The following KCND3 variants were observed in gnomAD, a reference collection of about 807,000 sequenced individuals.
KCND3 encodes the protein potassium voltage-gated channel subfamily D member 3, also known as A-type voltage-gated potassium channel KCND3.
In KCND3, 9 loss-of-function variants were observed where a neutral mutation model predicts 51.1. The observed-to-expected ratio is 0.18, with a 90% CI of 0.11 to 0.31. The LOEUF is 0.31. Ranked by LOEUF, KCND3 falls within the 10% of genes least tolerant of loss-of-function variation. KCND3 has a pLI of 1.00. For missense variants in KCND3, 526 were observed against 903.8 expected, an observed-to-expected ratio of 0.58 and a Z score of 5.36; for synonymous variants, 349 against 368.0, an observed-to-expected ratio of 0.95 and a Z score of 0.59.
At chr1:111,797,906 G>A (rs1325576399) in intron 2 of KCND3, among the ~76,000 whole-genome samples, 1 of 152,110 alleles carries the variant, frequency 6.6e-6, no homozygotes, top group Non-Finnish European at 1.5e-5. Flanking sequence ...AAAGCAGTGT[G>A]GTGGATGTAT....
At chr1:111,818,134 C>G (rs1273766765) in intron 2 of KCND3, among the ~76,000 whole-genome samples, 1 of 152,100 alleles carries the variant, frequency 6.6e-6, no homozygotes, top group East Asian at 1.9e-4. Flanking sequence ...ATATGAACCT[C>G]CCTCCTGGGC....
chr1:111,870,088 A>G (rs1209655815), intron 2 of KCND3, among the ~76,000 whole-genome samples: 1 of 152,254 alleles, frequency 6.6e-6, no homozygotes, highest in African/African-American at 2.4e-5. Context: ...ACTTGCTTGT[A>G]TCATTTAAGC....
intron 2 of KCND3, among the ~76,000 whole-genome samples, chr1:111,902,160 G>A (rs1670418268): frequency 6.6e-6 from 1 of 152,208 alleles, no homozygotes; most frequent in Non-Finnish European, 1.5e-5. Context: ...GATAGGAACG[G>A]GGCTCAAATG....
chr1:111,800,709 CT>C (rs1665267611), intron 2 of KCND3, among the ~76,000 whole-genome samples: 1 of 152,230 alleles, frequency 6.6e-6, no homozygotes, highest in African/African-American at 2.4e-5. Flanking sequence ...AGGGCTGAAG[CT>C]CAAGAGGCTG....
At position 111,906,456 on chromosome 1, in the gene KCND3, G is replaced by A. The variant is rs141489122; in HGVS notation, c.1106+75165C>T. Among the ~76,000 whole-genome samples the A allele has an allele frequency of 4.1e-3, 630 of 152,282 alleles. 7 individuals carry two copies. Among genetic ancestry groups the A allele is most frequent in the African/African-American group, 0.015 (607 of 41,540 alleles). ...ATCCTTTCTGACCTCCTGCCATTTC[G>A]TGTCAGCATCAGTTATTTGGCAGTT... On this transcript the variant is annotated intron_variant, in intron 2 of 7. Coordinates refer to ENST00000302127, the MANE Select transcript of KCND3 (RefSeq NM_001378969.1).
chr1:111,880,249 A>G (rs1669241912), intron 2 of KCND3, among the ~76,000 whole-genome samples: 1 of 152,210 alleles, frequency 6.6e-6, no homozygotes, highest in Non-Finnish European at 1.5e-5. Flanking sequence ...CATTGCCAGG[A>G]ACAGCAGTGG....
chr1:111,785,368 A>G (rs1396215085), intron 3 of KCND3, among the ~76,000 whole-genome samples: 2 of 152,160 alleles, frequency 1.3e-5, no homozygotes, highest in Non-Finnish European at 2.9e-5. Flanking sequence ...AAGAGGTAAG[A>G]TTTCCATTTC....
intron 2 of KCND3, among the ~76,000 whole-genome samples, chr1:111,941,370 G>C (rs1196457128): frequency 6.6e-6 from 1 of 152,116 alleles, no homozygotes; most frequent in Non-Finnish European, 1.5e-5. Context: ...GCAAGCAGCA[G>C]GGCTGAACAG....
intron 2 of KCND3, among the ~76,000 whole-genome samples, chr1:111,876,928 G>T (rs751458436): frequency 1.2e-4 from 19 of 152,146 alleles, no homozygotes; most frequent in Non-Finnish European, 2.6e-4. Flanking sequence ...CTTCGGCATC[G>T]TTCTCTCTCC....
chr1:111,852,345 G>T (rs1667856127), intron 2 of KCND3, among the ~76,000 whole-genome samples: 1 of 152,190 alleles, frequency 6.6e-6, no homozygotes, highest in Admixed American at 6.5e-5. Flanking sequence ...CCTCTGTGGG[G>T]CCTGCTCAGC....
chr1:111,963,248 G>C (rs1332757109), intron 2 of KCND3, among the ~76,000 whole-genome samples: 1 of 152,208 alleles, frequency 6.6e-6, no homozygotes, highest in Non-Finnish European at 1.5e-5. Context: ...TTGTTATACA[G>C]TAAAAGCTAA....
chr1:111,847,967 C>T (rs1050520332), intron 2 of KCND3, among the ~76,000 whole-genome samples: 4 of 152,214 alleles, frequency 2.6e-5, no homozygotes, highest in South Asian at 2.1e-4. Flanking sequence ...GCCTAGGCCT[C>T]GCCTCTCCCA....
At chr1:111,958,641 C>T (rs910065982) in intron 2 of KCND3, among the ~76,000 whole-genome samples, 4 of 152,206 alleles carry the variant, frequency 2.6e-5, no homozygotes, top group African/African-American at 4.8e-5. Context: ...TGTGCTGCTT[C>T]GGCCTTGGAT....
At chr1:111,902,440 C>A (rs1670430839) in intron 2 of KCND3, among the ~76,000 whole-genome samples, 1 of 152,104 alleles carries the variant, frequency 6.6e-6, no homozygotes, top group Non-Finnish European at 1.5e-5. Flanking sequence ...TAAGAGAGGC[C>A]CCCAACACCA....
chr1:111,983,518 C>T (rs185297991), intron 1 of KCND3, among the ~76,000 whole-genome samples: 12 of 152,282 alleles, frequency 7.9e-5, no homozygotes, highest in Admixed American at 1.3e-4. Context: ...GATGGAAAGA[C>T]GTGGGAAGGG....
At chr1:111,850,917 A>AACAGG (rs1477265207) in intron 2 of KCND3, among the ~76,000 whole-genome samples, 1 of 152,216 alleles carries the variant, frequency 6.6e-6, no homozygotes, top group African/African-American at 2.4e-5. Flanking sequence ...TACTCTCTGT[A>AACAGG]ACAGGACCCT....
At chr1:111,984,466 T>C (rs1464547388) in intron 1 of KCND3, among the ~76,000 whole-genome samples, 1 of 152,230 alleles carries the variant, frequency 6.6e-6, no homozygotes, top group Non-Finnish European at 1.5e-5. Flanking sequence ...TAGTTCTTAC[T>C]GCCCTCATGA....
chr1:111,842,728 T>C (rs1388778673), intron 2 of KCND3, among the ~76,000 whole-genome samples: 1 of 152,156 alleles, frequency 6.6e-6, no homozygotes, highest in African/African-American at 2.4e-5. Context: ...GTGTATATGA[T>C]CTGAGAATAT....
intron 2 of KCND3, among the ~76,000 whole-genome samples, chr1:111,888,408 G>A (rs1172428308): frequency 3.3e-5 from 5 of 152,200 alleles, no homozygotes; most frequent in African/African-American, 9.6e-5. Flanking sequence ...CAGTGAGGCC[G>A]GGTATGGTGG....
Sources: allele counts gnomAD v4.1 joint callset (sites outside exome capture counted in the v4.1 genomes callset), GRCh38; gene constraint gnomAD v4.1.1; transcripts MANE v1.5; gene names NCBI Gene and HGNC (gene_info 2026-07-23, HGNC 2026-07-21).